Variants in ZNF536 observed in about 807,000 individuals in gnomAD.
The protein encoded by ZNF536 is zinc finger protein 536.
A neutral mutation model predicts 84.5 loss-of-function variants in ZNF536; 13 were observed. The observed-to-expected ratio is 0.15, with a 90% CI of 0.10 to 0.24. ZNF536 has a LOEUF of 0.24. Among genes scored for constraint, ZNF536 ranks in the 10% least tolerant of loss-of-function variants. The pLI is 1.00. For synonymous variants in ZNF536, 811 were observed against 742.5 expected (o/e 1.09, Z -1.50); for missense variants, 1,536 against 1,747.5 (o/e 0.88, Z 2.16).
intron 2 of ZNF536, among the ~76,000 whole-genome samples, chr19:30,322,993 A>G (rs945963418): frequency 3.9e-5 from 6 of 152,186 alleles, no homozygotes; most frequent in Admixed American, 3.9e-4. Flanking sequence ...ATGTCTTGCC[A>G]TCCCATTGAC....
chr19:30,652,077 A>T (rs1030831689), intron 1 of ZNF536, among the ~76,000 whole-genome samples: 3 of 152,200 alleles, frequency 2.0e-5, no homozygotes, highest in Admixed American at 2.0e-4. Context: ...GGATCTGATA[A>T]TTTATAACCA....
chr19:30,624,335 C>G (rs924140256), intron 1 of ZNF536, among the ~76,000 whole-genome samples: 1 of 152,184 alleles, frequency 6.6e-6, no homozygotes, highest in Admixed American at 6.5e-5. Context: ...TTTCTGGAAT[C>G]TAGAGCCTGC....
At chr19:30,683,912 T>A (rs545312324) in intron 1 of ZNF536, among the ~76,000 whole-genome samples, 14 of 152,346 alleles carry the variant, frequency 9.2e-5, no homozygotes, top group Non-Finnish European at 1.9e-4. Context: ...CATGGAATCA[T>A]ACCTTTATTC....
rs544026670 is a variant in ZNF536 at position 30,401,381 on chromosome 19, C to T, written c.-3+28825C>T. On this transcript the variant is annotated intron_variant, in intron 1 of 4. Coordinates refer to ENST00000355537, the MANE Select transcript of ZNF536 (RefSeq NM_014717.3). ...AATAAGAAAGAAGGACTTCAAGATC[C>T]GGGTTAGACTCCCCATGTCCCAGTA... Among the ~76,000 whole-genome samples, 3 of 152,252 alleles carry T rather than the reference C, an allele frequency of 2.0e-5. No homozygotes were observed. In the East Asian group the frequency reaches 5.8e-4, roughly 29 times the overall value.
intron 1 of ZNF536, among the ~76,000 whole-genome samples, chr19:30,697,650 C>A (rs573974091): frequency 1.3e-5 from 2 of 152,166 alleles, no homozygotes; most frequent in Non-Finnish European, 2.9e-5. Flanking sequence ...GAGGCAGATA[C>A]GTTAGAGCCT....
intron 3 of ZNF536, among the ~76,000 whole-genome samples, chr19:30,356,751 T>A (rs1373341279): frequency 6.6e-6 from 1 of 152,234 alleles, no homozygotes; most frequent in Non-Finnish European, 1.5e-5. Flanking sequence ...CATTCTCGCA[T>A]GTGCATTTCT....
At chr19:30,258,680 A>T (rs1401512430) in intron 1 of ZNF536, among the ~76,000 whole-genome samples, 3 of 146,656 alleles carry the variant, frequency 2.0e-5, no homozygotes, top group African/African-American at 7.6e-5. Flanking sequence ...GTCATCAAAA[A>T]TTTTTATTTT....
At chr19:30,503,703 C>T (rs11667431) in intron 2 of ZNF536, among the ~76,000 whole-genome samples, 14,598 of 152,220 alleles carry the variant, frequency 0.096, 958 homozygotes, top group Non-Finnish European at 0.15. Flanking sequence ...GTCAAGCCCT[C>T]GTGGGAGTCC....
intron 2 of ZNF536, among the ~76,000 whole-genome samples, chr19:30,533,175 G>C (rs1451494669): frequency 6.6e-6 from 1 of 152,164 alleles, no homozygotes; most frequent in Non-Finnish European, 1.5e-5. Flanking sequence ...CAGAGAGAAT[G>C]CTCCAAGCCA....
Position 30,259,917 on chromosome 19 carries a change from A to AT in ZNF536, c.-189-24136dup, listed in dbSNP as rs34342169. 5.3e-3 allele frequency among the ~76,000 whole-genome samples: 706 copies of AT among 133,706 alleles called. 6 individuals carry two copies. The highest frequency in any genetic ancestry group is 0.018 in the South Asian group (75 of 4,106). The allele number at this position is 133,706 out of a possible 152,430, so 87.7% of individuals were successfully genotyped here. On this transcript the variant is annotated intron_variant, in intron 1 of 5. Coordinates refer to the ZNF536 transcript ENST00000585628. ...CAGGCACCACCACCATGCCCAGCTA[A>AT]TTTTTTTTTTTTTTTTTTTGCATTT...
At chr19:30,289,374 CA>C (rs1481433085) in intron 2 of ZNF536, among the ~76,000 whole-genome samples, 1 of 152,234 alleles carries the variant, frequency 6.6e-6, no homozygotes, top group Non-Finnish European at 1.5e-5. Context: ...TCAGCGACAA[CA>C]TATAATTAAA....
intron 3 of ZNF536, among the ~76,000 whole-genome samples, chr19:30,353,441 C>T (rs766147160): frequency 5.9e-5 from 9 of 151,770 alleles, no homozygotes; most frequent in Non-Finnish European, 1.0e-4. Flanking sequence ...GAGTGTTTTC[C>T]GTCAGTTTCT....
At chr19:30,307,330 C>T (rs2046370495) in intron 2 of ZNF536, among the ~76,000 whole-genome samples, 1 of 149,894 alleles carries the variant, frequency 6.7e-6, no homozygotes, top group Non-Finnish European at 1.5e-5. Context: ...GGCGTGGCCA[C>T]TGTGTTCAGG....
At chr19:30,413,394 C>A (rs561497042) in intron 1 of ZNF536, among the ~76,000 whole-genome samples, 3 of 152,252 alleles carry the variant, frequency 2.0e-5, no homozygotes, top group African/African-American at 7.2e-5. Context: ...TTAACCACAT[C>A]CTAGAATTTT....
intron 2 of ZNF536, among the ~76,000 whole-genome samples, chr19:30,459,337 T>C (rs1600826934): frequency 6.6e-6 from 1 of 150,794 alleles, no homozygotes; most frequent in East Asian, 1.9e-4. Flanking sequence ...TTTCTTTCTT[T>C]CCTTCTTTCT....
chr19:30,663,092 C>G (rs1162895712), intron 1 of ZNF536, among the ~76,000 whole-genome samples: 1 of 151,422 alleles, frequency 6.6e-6, no homozygotes, highest in Non-Finnish European at 1.5e-5. Flanking sequence ...GCCAATACTT[C>G]CCTTTGAAAT....
chr19:30,650,870 A>G (rs1437974769), intron 1 of ZNF536, among the ~76,000 whole-genome samples: 1 of 152,252 alleles, frequency 6.6e-6, no homozygotes, highest in Non-Finnish European at 1.5e-5. Flanking sequence ...GGGACGTTGG[A>G]GCATACTGTC....
chr19:30,258,552 C>G (rs2025029724), intron 1 of ZNF536, among the ~76,000 whole-genome samples: 1 of 152,178 alleles, frequency 6.6e-6, no homozygotes, highest in Non-Finnish European at 1.5e-5. Flanking sequence ...TTTATCACCA[C>G]CACTCCTCAT....
intron 2 of ZNF536, among the ~76,000 whole-genome samples, chr19:30,462,685 G>A (rs1304408359): frequency 6.6e-6 from 1 of 151,974 alleles, no homozygotes; most frequent in Non-Finnish European, 1.5e-5. Flanking sequence ...GGTGTGTGTT[G>A]TGTGGATAAG....
Sources: gnomAD v4.1 joint callset for allele counts (sites outside exome capture counted in the v4.1 genomes callset) on GRCh38, gnomAD v4.1.1 for gene constraint, MANE v1.5 for transcripts, NCBI Gene and HGNC (gene_info 2026-07-23, HGNC 2026-07-21) for gene names.